The following PTPRT variants were observed in gnomAD, a reference collection of about 807,000 sequenced individuals.
PTPRT encodes protein tyrosine phosphatase receptor type T, also known as receptor-type tyrosine-protein phosphatase T.
In PTPRT, 56 loss-of-function variants were observed where a neutral mutation model predicts 176.8. The observed-to-expected ratio is 0.32, with a 90% CI of 0.26 to 0.40. The LOEUF (loss-of-function observed/expected upper bound fraction) is 0.40, where lower values mean the gene tolerates loss of function less well. PTPRT is among the 10% of genes least tolerant of loss of function. The pLI is 1.00. For missense variants in PTPRT, 1,540 were observed against 1,908.2 expected (o/e 0.81, Z 3.60); for synonymous variants, 783 against 739.0 (o/e 1.06, Z -0.96).
At position 42,786,797 on chromosome 20, in the gene PTPRT, C is replaced by T. The variant is rs2077297656; in HGVS notation, c.486+4398G>A. 2.0e-5 allele frequency among the ~76,000 whole-genome samples: 3 copies of T among 152,150 alleles called. No individual in the cohort carries two copies. The South Asian group carries it at 6.2e-4, about 32-fold the overall frequency. On this transcript the variant is annotated intron_variant, in intron 3 of 30. Transcript: ENST00000373187. ...CCGTGCCCATGAGCTTTTAGAGATA[C>T]TTTATGTCTACAGTCAATGATACAG...
intron 1 of PTPRT, among the ~76,000 whole-genome samples, chr20:43,007,016 C>G (rs1453384386): frequency 6.6e-6 from 1 of 152,128 alleles, no homozygotes; most frequent in Non-Finnish European, 1.5e-5. Context: ...TGAACTGAAC[C>G]CAGGTGAATC....
intron 2 of PTPRT, among the ~76,000 whole-genome samples, chr20:42,806,672 G>A (rs1397907231): frequency 6.6e-6 from 1 of 152,084 alleles, no homozygotes; most frequent in Non-Finnish European, 1.5e-5. Flanking sequence ...GTTGGGGTGT[G>A]ACAACTGCAG....
chr20:42,349,589 G>C (rs2058246797), intron 11 of PTPRT, among the ~76,000 whole-genome samples: 1 of 152,174 alleles, frequency 6.6e-6, no homozygotes, highest in South Asian at 2.1e-4. Context: ...GAGACAGGGT[G>C]GATTCTTAAA....
At chr20:43,033,742 G>A (rs1986245208) in intron 1 of PTPRT, among the ~76,000 whole-genome samples, 1 of 152,196 alleles carries the variant, frequency 6.6e-6, no homozygotes, top group African/African-American at 2.4e-5. Context: ...GAGAAGATGG[G>A]AAGGTGGAGG....
chr20:42,678,136 GGGGAGCAATGGGCGT>G lies in PTPRT; in HGVS notation c.868_882del (p.Thr290_Pro294del). The G allele has an allele frequency of 6.2e-7, 1 of 1,613,822 alleles. No homozygotes were observed. The highest frequency in any genetic ancestry group is 8.5e-7 in the Non-Finnish European group (1 of 1,179,844). On this transcript the variant is annotated inframe_deletion, in exon 7 of 31. Transcript: ENST00000373187. ...GTGGCCCCCACAGCCAGCAGCTCTG[GGGGAGCAATGGGCGT>G]GGGAGGCTCTGTAAGACAAGCAATC...
intron 18 of PTPRT, among the ~76,000 whole-genome samples, chr20:42,137,510 T>G (rs1411221236): frequency 6.6e-6 from 1 of 152,110 alleles, no homozygotes; most frequent in Non-Finnish European, 1.5e-5. Context: ...GAGGACTCTT[T>G]GGTAAGGAAT....
At chr20:43,108,598 A>G (rs1348062057) in intron 1 of PTPRT, among the ~76,000 whole-genome samples, 1 of 152,070 alleles carries the variant, frequency 6.6e-6, no homozygotes, top group Non-Finnish European at 1.5e-5. Context: ...CAGATAAGAA[A>G]TCTGCCCCTC....
At position 42,351,271 on chromosome 20, in the gene PTPRT, TTCC is replaced by T. The variant is rs565633860; in HGVS notation, c.1763-544_1763-542del. ...TCAGTTTTTCCAAATTCTGAATTTA[TTCC>T]TAAAGCTATAATCCAAACCAATGAA... On this transcript the variant is annotated intron_variant, in intron 10 of 30. Coordinates refer to ENST00000373187, the MANE Select transcript of PTPRT (RefSeq NM_007050.6). Among the ~76,000 whole-genome samples, 459 of 152,362 alleles carry T rather than the reference TTCC, an allele frequency of 3.0e-3. 1 individual carries two copies. The highest frequency in any genetic ancestry group is 0.01 in the Middle Eastern group (3 of 294).
At chr20:42,374,758 A>G (rs951479915) in intron 9 of PTPRT, among the ~76,000 whole-genome samples, 5 of 152,232 alleles carry the variant, frequency 3.3e-5, no homozygotes, top group African/African-American at 1.2e-4. Flanking sequence ...AAGATAATTT[A>G]AAATGATAAT....
intron 7 of PTPRT, among the ~76,000 whole-genome samples, chr20:42,642,903 C>T (rs1332466450): frequency 6.6e-6 from 1 of 152,120 alleles, no homozygotes; most frequent in African/African-American, 2.4e-5. Context: ...TTGTTTTGGC[C>T]AATGGGACAA....
In PTPRT at chr20:42,494,245, C is replaced by T. The variant is rs374744039; in HGVS notation, c.1154-21683G>A. Among the ~76,000 whole-genome samples, 38 of 152,192 alleles carry T rather than the reference C, an allele frequency of 2.5e-4. No homozygotes were observed. The East Asian group carries it at 5.6e-3, about 22-fold the overall frequency. The stretch of plus-strand genomic sequence containing the variant: ...TTGGAAAAATAATGTGGCAAAAAGA[C>T]ACCTCTAATCCTCTATTTTAATTTG... On this transcript the variant is annotated intron_variant, in intron 7 of 30. Transcript: ENST00000373187.
chr20:42,634,330 C>T (rs1008112413), intron 7 of PTPRT, among the ~76,000 whole-genome samples: 2 of 148,706 alleles, frequency 1.3e-5, no homozygotes, highest in Admixed American at 1.4e-4. Flanking sequence ...GTGCACTACC[C>T]CCTATTTCTC....
chr20:42,933,553 C>A (rs896012843), intron 1 of PTPRT, among the ~76,000 whole-genome samples: 3 of 152,150 alleles, frequency 2.0e-5, no homozygotes, highest in Non-Finnish European at 4.4e-5. Flanking sequence ...TGACTAAACT[C>A]ACCTCCCCCA....
intron 1 of PTPRT, among the ~76,000 whole-genome samples, chr20:42,967,826 A>T (rs1013905891): frequency 2.6e-5 from 4 of 151,402 alleles, no homozygotes; most frequent in African/African-American, 9.7e-5. Flanking sequence ...CACCCCCGCT[A>T]CCAGATGTCA....
At chr20:42,336,567 C>T (rs1179743442) in intron 11 of PTPRT, among the ~76,000 whole-genome samples, 1 of 152,050 alleles carries the variant, frequency 6.6e-6, no homozygotes, top group Non-Finnish European at 1.5e-5. Flanking sequence ...CAGTGCCTGG[C>T]ATATTAGAGA....
intron 1 of PTPRT, among the ~76,000 whole-genome samples, chr20:42,933,648 G>A (rs779966167): frequency 6.6e-6 from 1 of 152,168 alleles, no homozygotes; most frequent in South Asian, 2.1e-4. Context: ...ATTTCCAAAC[G>A]CTTATCTCAA....
chr20:42,174,978 A>T (rs747055697), intron 16 of PTPRT, among the ~76,000 whole-genome samples: 3 of 152,186 alleles, frequency 2.0e-5, no homozygotes, highest in African/African-American at 4.8e-5. Flanking sequence ...ATACAACAGA[A>T]GAAGAGATAG....
intron 1 of PTPRT, among the ~76,000 whole-genome samples, chr20:42,914,728 G>A (rs776228312): frequency 6.6e-6 from 1 of 152,090 alleles, no homozygotes; most frequent in African/African-American, 2.4e-5. Context: ...GAATTTGGTC[G>A]ATAATTGAAA....
intron 1 of PTPRT, among the ~76,000 whole-genome samples, chr20:43,175,357 G>C (rs893595362): frequency 2.6e-5 from 4 of 152,246 alleles, no homozygotes; most frequent in Non-Finnish European, 5.9e-5. Flanking sequence ...TACAAACTCG[G>C]AAATAAGGCC....
Sources: allele counts gnomAD v4.1 joint callset (sites outside exome capture counted in the v4.1 genomes callset), GRCh38; gene constraint gnomAD v4.1.1; transcripts MANE v1.5; gene names NCBI Gene and HGNC (gene_info 2026-07-23, HGNC 2026-07-21).